The following TSPAN9 variants were observed in gnomAD, a reference collection of about 807,000 sequenced individuals.
TSPAN9 encodes the protein tetraspanin-9.
In TSPAN9, 16 loss-of-function variants were observed where a neutral mutation model predicts 31.0. The observed-to-expected ratio is 0.52, with a 90% CI of 0.35 to 0.78. The LOEUF is 0.78. TSPAN9 is among the 30% of genes least tolerant of loss of function. TSPAN9 has a pLI of 0.01. For synonymous variants in TSPAN9, 145 were observed against 121.6 expected (o/e 1.19, Z -1.27); for missense variants, 272 against 312.5 (o/e 0.87, Z 0.98).
At chr12:3,223,733 G>A (rs920690965) in intron 3 of TSPAN9, among the ~76,000 whole-genome samples, 7 of 152,204 alleles carry the variant, frequency 4.6e-5, no homozygotes, top group Admixed American at 2.0e-4. Flanking sequence ...GCGAGAGACC[G>A]GGACTACAAG....
chr12:3,205,816 C>T (rs2098374840), intron 3 of TSPAN9, among the ~76,000 whole-genome samples: 2 of 151,998 alleles, frequency 1.3e-5, no homozygotes, highest in Non-Finnish European at 2.9e-5. Context: ...CTGGCCTCTG[C>T]TGGGGGAAGG....
At chr12:3,228,984 C>G (rs1439089785) in intron 3 of TSPAN9, among the ~76,000 whole-genome samples, 1 of 152,208 alleles carries the variant, frequency 6.6e-6, no homozygotes, top group Non-Finnish European at 1.5e-5. Flanking sequence ...CCCTTTGCCT[C>G]TCTCTCATAA....
At chr12:3,199,419 C>G (rs2098369825) in intron 2 of TSPAN9, among the ~76,000 whole-genome samples, 1 of 152,232 alleles carries the variant, frequency 6.6e-6, no homozygotes, top group Admixed American at 6.5e-5. Flanking sequence ...TCCCGGTCGG[C>G]AATGCAGACT....
rs1000995308 is a variant in TSPAN9 at position 3,187,202 on chromosome 12, C to A, written c.-17-13975C>A. Among the ~76,000 whole-genome samples the A allele has an allele frequency of 5.9e-5, 9 of 152,160 alleles. No homozygotes were observed. Among genetic ancestry groups the A allele is most frequent in the Admixed American group, 5.2e-4 (8 of 15,272 alleles). Reference sequence around the variant, plus strand: ...GTTCATGCCGTGTGGTCAGAAAGAGCACAGGGGACACTGGATGAGGGTGAT... The same window carrying A: ...GTTCATGCCGTGTGGTCAGAAAGAGAACAGGGGACACTGGATGAGGGTGAT... On this transcript the variant is annotated intron_variant, in intron 2 of 8. Transcript: ENST00000011898. This position sits in a 1 kb window ranked among gnomAD's most constrained non-coding sequence, Gnocchi z 5.2.
chr12:3,103,376 G>A (rs1197288114), intron 2 of TSPAN9, among the ~76,000 whole-genome samples: 12 of 152,096 alleles, frequency 7.9e-5, no homozygotes. Context: ...CATTCCTCAC[G>A]TGCTTATCTG....
At chr12:3,146,490 C>T (rs774876082) in intron 2 of TSPAN9, among the ~76,000 whole-genome samples, 5 of 152,138 alleles carry the variant, frequency 3.3e-5, no homozygotes, top group Admixed American at 6.5e-5. Flanking sequence ...CAGCTGTGCA[C>T]GAGACAGACA....
intron 2 of TSPAN9, among the ~76,000 whole-genome samples, chr12:3,176,926 T>C (rs2098355993): frequency 6.6e-6 from 1 of 152,112 alleles, no homozygotes; most frequent in South Asian, 2.1e-4. Flanking sequence ...AGCCGAGTAT[T>C]AGGAAGGTGC....
rs1475447350 is a variant in TSPAN9, at chr12:3,192,335, G to T, written c.-17-8842G>T. On this transcript the variant is annotated intron_variant, in intron 2 of 8. Coordinates refer to ENST00000011898, the MANE Select transcript of TSPAN9 (RefSeq NM_006675.5). This position sits in a 1 kb window ranked among gnomAD's most constrained non-coding sequence, Gnocchi z 4.6. Reference sequence around the variant, plus strand: ...TTGGTGAATGGGTGGGCGCAGGAGGGAATGGAAGGCTGCAGGGGCTGCCGC... The same window carrying T: ...TTGGTGAATGGGTGGGCGCAGGAGGTAATGGAAGGCTGCAGGGGCTGCCGC... Among the ~76,000 whole-genome samples, 1 of 152,154 alleles carries T rather than the reference G, an allele frequency of 6.6e-6. No individual in the cohort carries two copies. Among genetic ancestry groups the T allele is most frequent in the Non-Finnish European group, 1.5e-5 (1 of 68,032 alleles).
At chr12:3,130,872 T>C (rs1465263616) in intron 2 of TSPAN9, among the ~76,000 whole-genome samples, 1 of 152,212 alleles carries the variant, frequency 6.6e-6, no homozygotes, top group African/African-American at 2.4e-5. Context: ...CTTGATTCCT[T>C]TAGGATCCCA....
intron 3 of TSPAN9, among the ~76,000 whole-genome samples, chr12:3,221,360 CT>C (rs61424013): frequency 0.047 from 6,664 of 141,262 alleles, 201 homozygotes; most frequent in African/African-American, 0.081. Context: ...ATATTTTTCT[CT>C]TTTTTTTTTT....
chr12:3,078,170 G>T (rs538361055), intron 1 of TSPAN9, among the ~76,000 whole-genome samples: 7 of 152,272 alleles, frequency 4.6e-5, no homozygotes, highest in African/African-American at 1.7e-4. Context: ...TTTTGTCTGG[G>T]GAAGCTTGGG....
At chr12:3,205,681 G>A (rs2098374692) in intron 3 of TSPAN9, among the ~76,000 whole-genome samples, 1 of 151,290 alleles carries the variant, frequency 6.6e-6, no homozygotes. Flanking sequence ...CCAGGCAGAG[G>A]AGACACAGGG....
intron 2 of TSPAN9, chr12:3,199,970 C>T (rs2098370343): frequency 1.3e-5 from 2 of 152,394 alleles, no homozygotes; most frequent in Non-Finnish European, 2.9e-5. Flanking sequence ...TCGACAGCGG[C>T]CGCGCTTCTG....
In TSPAN9 at chr12:3,284,347, G is replaced by A. The variant is rs1253753274; in HGVS notation, c.*1231G>A. ...GGGGTGAGGACCCACGGTCCTCCCC[G>A]CCAGCCTTGCTCAGCTGTGGGTTGC... On this transcript the variant is annotated 3_prime_UTR_variant, in exon 9 of 9. Transcript: ENST00000011898. 6 of 152,354 alleles carry A rather than the reference G, an allele frequency of 3.9e-5. No homozygotes were observed. Among genetic ancestry groups the A allele is most frequent in the African/African-American group, 2.4e-5 (1 of 41,458 alleles). 9.4% of individuals were successfully genotyped at this position (152,354 alleles called of 1,614,324 possible). A position where few individuals can be genotyped will look rare whatever the true frequency, so the allele number is the denominator to read the frequency against.
At chr12:3,102,041 A>G (rs1432633429) in intron 2 of TSPAN9, among the ~76,000 whole-genome samples, 2 of 152,100 alleles carry the variant, frequency 1.3e-5, no homozygotes. Flanking sequence ...TTTGCTGCAC[A>G]TTGTAGAGGC....
At chr12:3,194,845 T>G (rs112059070) in intron 2 of TSPAN9, among the ~76,000 whole-genome samples, 8,080 of 152,304 alleles carry the variant, frequency 0.053, 729 homozygotes, top group African/African-American at 0.18. Context: ...TCCTAGCCCC[T>G]GCCCTGTAGC....
chr12:3,201,301 C>T lies in TSPAN9; in HGVS notation c.63+45C>T, dbSNP rs775802637. ...TCTCCCTTCGCCCTCTTCTCCTCCT[C>T]TTGGCTTACCATAGCGTGAATACCC... On this transcript the variant is annotated intron_variant, in intron 3 of 8. Transcript: ENST00000011898. 3.2e-6 allele frequency: 5 copies of T among 1,574,634 alleles called. No homozygotes were observed. In the African/African-American group the frequency reaches 5.4e-5, roughly 17 times the overall value.
At chr12:3,166,659 C>A (rs2098348592) in intron 2 of TSPAN9, among the ~76,000 whole-genome samples, 2 of 152,304 alleles carry the variant, frequency 1.3e-5, no homozygotes, top group East Asian at 1.9e-4. Flanking sequence ...ATCTGTGGGA[C>A]CAGCATCCAG....
At chr12:3,227,411 C>T (rs2098388421) in intron 3 of TSPAN9, among the ~76,000 whole-genome samples, 1 of 152,180 alleles carries the variant, frequency 6.6e-6, no homozygotes, top group Admixed American at 6.5e-5. Flanking sequence ...TAGGGCAGCC[C>T]ATCATGGCCT....
Sources: allele counts gnomAD v4.1 joint callset (sites outside exome capture counted in the v4.1 genomes callset), GRCh38; gene constraint gnomAD v4.1.1; non-coding constraint Gnocchi (gnomAD v3.1); transcripts MANE v1.5; gene names NCBI Gene and HGNC (gene_info 2026-07-23, HGNC 2026-07-21).